RNF157: variants seen among roughly 807,000 people sequenced by gnomAD.
RNF157 encodes E3 ubiquitin ligase RNF157.
In RNF157, 55 loss-of-function variants were observed where a neutral mutation model predicts 88.3. The observed-to-expected ratio is 0.62, with a 90% CI of 0.50 to 0.78. The LOEUF (loss-of-function observed/expected upper bound fraction) is 0.78. RNF157 is among the 30% of genes least tolerant of loss of function. The probability of loss-of-function intolerance (pLI) is 0.00; values close to 1 mark genes in which losing one functional copy is unlikely to be tolerated. For synonymous variants in RNF157, 334 were observed against 341.2 expected (o/e 0.98, Z 0.23); for missense variants, 788 against 860.8 (o/e 0.92, Z 1.06).
In RNF157 at chr17:76,146,474, G is replaced by T; in HGVS notation, c.1922-1121C>A. The stretch of plus-strand genomic sequence containing the variant: ...GCCCTCCCTCCAGTGAGGCTAGGGC[G>T]CTCCTGCCTTGGGCCTCGGCTGCCT... On this transcript the variant is annotated intron_variant, in intron 18 of 18. Transcript: ENST00000269391. The surrounding 1 kb of genome is among the most constrained non-coding windows in gnomAD (Gnocchi z 4.2). 8 of 985,682 alleles carry T rather than the reference G, an allele frequency of 8.1e-6. No individual in the cohort carries two copies. Among genetic ancestry groups the T allele is most frequent in the Non-Finnish European group, 9.6e-6 (8 of 830,142 alleles). 61.1% of individuals were successfully genotyped at this position (985,682 alleles called of 1,614,324 possible).
intron 1 of RNF157, among the ~76,000 whole-genome samples, chr17:76,233,945 C>T (rs1313973127): frequency 6.6e-6 from 1 of 152,210 alleles, no homozygotes; most frequent in Non-Finnish European, 1.5e-5. Flanking sequence ...CAACTATTCA[C>T]CACTATCTAA....
intron 2 of RNF157, among the ~76,000 whole-genome samples, chr17:76,201,967 A>C (rs768271517): frequency 6.6e-6 from 1 of 152,136 alleles, no homozygotes; most frequent in Non-Finnish European, 1.5e-5. Flanking sequence ...CGGAGAGGTG[A>C]AACAGTTGGG....
chr17:76,205,542 T>C (rs1476793371), intron 2 of RNF157, among the ~76,000 whole-genome samples: 1 of 151,918 alleles, frequency 6.6e-6, no homozygotes, highest in Non-Finnish European at 1.5e-5. Flanking sequence ...CTGGCCAAGA[T>C]GGTGAAACCC....
chr17:76,146,576 T>C lies in RNF157; in HGVS notation c.1922-1223A>G, dbSNP rs910351442. On this transcript the variant is annotated intron_variant, in intron 18 of 18. Transcript: ENST00000269391. This position sits in a 1 kb window ranked among gnomAD's most constrained non-coding sequence, Gnocchi z 4.2. ...CGGACCCTGTGGGCCTCCCCAGCCG[T>C]GTCTCCCAGTGGCCTCCCCTCACGA... The C allele has an allele frequency of 1.0e-6, 1 of 985,320 alleles. No individual in the cohort carries two copies. The highest frequency in any genetic ancestry group is 1.7e-5 in the African/African-American group (1 of 57,232). 61.0% of individuals were successfully genotyped at this position (985,320 alleles called of 1,614,324 possible).
rs1050481010 is a variant in RNF157, at chr17:76,143,641, T to A, written c.*1594A>T. ...CCCCCCTCTCCATCAGGGCAGGATG[T>A]GAGCCACAACCACTAGGCAGTGAGA... On this transcript the variant is annotated 3_prime_UTR_variant, in exon 19 of 19. Transcript: ENST00000269391. 5.9e-5 allele frequency: 9 copies of A among 152,160 alleles called. No homozygotes were observed. The highest frequency in any genetic ancestry group is 1.2e-4 in the Non-Finnish European group (8 of 68,046). 9.4% of individuals were successfully genotyped at this position (152,160 alleles called of 1,614,324 possible).
At chr17:76,198,120 C>T (rs1479649519) in intron 2 of RNF157, among the ~76,000 whole-genome samples, 1 of 152,188 alleles carries the variant, frequency 6.6e-6, no homozygotes, top group Non-Finnish European at 1.5e-5. Context: ...TATTACTCAA[C>T]CGGGGCCTGC....
At chr17:76,152,101 C>T (rs1159958609) in intron 18 of RNF157, among the ~76,000 whole-genome samples, 1 of 152,144 alleles carries the variant, frequency 6.6e-6, no homozygotes, top group Non-Finnish European at 1.5e-5. Context: ...AGTGGTTAGG[C>T]CAAATCGTTA....
chr17:76,158,668 G>A (rs545349539), intron 12 of RNF157, 167 bp from the exon 13 acceptor site: 8 of 599,254 alleles, frequency 1.3e-5, no homozygotes, highest in South Asian at 3.7e-5. Flanking sequence ...GGGCTTCAGC[G>A]ATCCTCTTGT....
intron 1 of RNF157, among the ~76,000 whole-genome samples, chr17:76,214,308 A>C (rs1423400992): frequency 6.6e-6 from 1 of 152,208 alleles, no homozygotes. Flanking sequence ...CAGAGGTCAC[A>C]GAAGTTTTCT....
chr17:76,174,700 C>T (rs999016257), intron 2 of RNF157, among the ~76,000 whole-genome samples: 2 of 152,236 alleles, frequency 1.3e-5, no homozygotes, highest in East Asian at 1.9e-4. Context: ...AAGTTATAAT[C>T]AAATTGTGCC....
chr17:76,227,216 G>A (rs1360783515), intron 1 of RNF157, among the ~76,000 whole-genome samples: 2 of 151,642 alleles, frequency 1.3e-5, no homozygotes, highest in Non-Finnish European at 2.9e-5. Context: ...TGCTTCCTGG[G>A]TTCAAGAGAT....
chr17:76,167,283 C>T (rs2068943194), intron 4 of RNF157, among the ~76,000 whole-genome samples, 157 bp from the exon 5 acceptor site: 3 of 152,130 alleles, frequency 2.0e-5, no homozygotes, highest in Non-Finnish European at 2.9e-5. Context: ...TGCTTGGCAA[C>T]GTTAAACTTT....
At chr17:76,150,036 A>T (rs541021576) in intron 18 of RNF157, among the ~76,000 whole-genome samples, 30 of 152,318 alleles carry the variant, frequency 2.0e-4, no homozygotes, top group African/African-American at 7.2e-4. Context: ...CTGTCTCAAA[A>T]AAAACAAAAA....
At position 76,155,646 on chromosome 17, in the gene RNF157, G is replaced by C. The variant is rs754802777; in HGVS notation, c.1614C>G (p.Ser538=). Residue 538 remains serine (S), a synonymous_variant, in exon 15 of 19, where the codon TCC becomes TCG. Transcript: ENST00000269391. ...CCTCTTCAGTGCCAGGGGCGATGTA[G>C]GAGCCAGACATGGAGGAGACGGTGT... is the stretch of plus-strand genomic sequence containing the variant. ...STDTVSSMSG[S]YIAPGTEEEG... is the part of the protein sequence containing the mutation. 1.9e-6 allele frequency: 3 copies of C among 1,614,010 alleles called. No individual in the cohort carries two copies. The Admixed American group carries it at 5.0e-5, about 27-fold the overall frequency.
At chr17:76,173,984 T>C (rs564844626) in intron 2 of RNF157, among the ~76,000 whole-genome samples, 194 bp from the exon 3 acceptor site, 87 of 152,054 alleles carry the variant, frequency 5.7e-4, no homozygotes, top group Non-Finnish European at 1.2e-3. Flanking sequence ...AAAACTGGGA[T>C]GCAATTTGGG....
At chr17:76,235,101 G>C (rs375176278) in intron 1 of RNF157, among the ~76,000 whole-genome samples, 1 of 152,042 alleles carries the variant, frequency 6.6e-6, no homozygotes, top group Non-Finnish European at 1.5e-5. Flanking sequence ...ATAGGGTAGC[G>C]ATAGTCCTCC....
Position 76,232,922 on chromosome 17 carries a change from G to T in RNF157, c.88+7231C>A, listed in dbSNP as rs571666029. Among the ~76,000 whole-genome samples, 3 of 142,646 alleles carry T rather than the reference G, an allele frequency of 2.1e-5. No homozygotes were observed. The East Asian group carries it at 6.7e-4, about 32-fold the overall frequency. 93.6% of individuals were successfully genotyped at this position (142,646 alleles called of 152,430 possible). ...TCAGTGAAGTATCTATTGAAATCTC[G>T]CATATTTTTTTTTTTTGAGACACAG... On this transcript the variant is annotated intron_variant, in intron 1 of 18. Coordinates refer to ENST00000269391, the MANE Select transcript of RNF157 (RefSeq NM_052916.3).
chr17:76,234,776 T>C (rs73364515), intron 1 of RNF157, among the ~76,000 whole-genome samples: 3,879 of 152,330 alleles, frequency 0.025, 186 homozygotes, highest in African/African-American at 0.088. Flanking sequence ...GTCATACCTA[T>C]GATTTATAAA....
chr17:76,177,308 A>AC lies in RNF157; in HGVS notation c.208-3519dup, dbSNP rs968223307. Reference sequence around the variant, plus strand: ...CTTGGAGACACGGAAAAGCCCTCCCACCCCCCCGCCCCAGCAGGCTCGGAA... The same window carrying AC: ...CTTGGAGACACGGAAAAGCCCTCCCACCCCCCCCGCCCCAGCAGGCTCGGAA... On this transcript the variant is annotated intron_variant, in intron 2 of 18. Coordinates refer to ENST00000269391, the MANE Select transcript of RNF157 (RefSeq NM_052916.3). Among the ~76,000 whole-genome samples the AC allele has an allele frequency of 1.9e-4, 12 of 63,582 alleles. No individual in the cohort carries two copies. The South Asian group carries it at 2.3e-3, about 12-fold the overall frequency. 41.7% of individuals were successfully genotyped at this position (63,582 alleles called of 152,430 possible). A position where few individuals can be genotyped will look rare whatever the true frequency, so the allele number is the denominator to read the frequency against.
Sources: gnomAD v4.1 joint callset for allele counts (sites outside exome capture counted in the v4.1 genomes callset) on GRCh38, gnomAD v4.1.1 for gene constraint, Gnocchi (gnomAD v3.1) non-coding constraint, MANE v1.5 for transcripts, NCBI Gene and HGNC (gene_info 2026-07-23, HGNC 2026-07-21) for gene names.